Variants in MEI1 observed in about 807,000 individuals in gnomAD.
The protein encoded by MEI1 is meiotic double-stranded break formation protein 1.
In MEI1, 103 loss-of-function variants were observed where a neutral mutation model predicts 146.2. The observed-to-expected ratio is 0.70, with a 90% CI of 0.60 to 0.83. MEI1 has a LOEUF of 0.83. Ranked by LOEUF, MEI1 falls within the 40% of genes least tolerant of loss-of-function variation. MEI1 has a pLI of 0.00. For synonymous variants in MEI1, 652 were observed against 628.2 expected, an observed-to-expected ratio of 1.04 and a Z score of -0.57; for missense variants, 1,529 against 1,533.0, an observed-to-expected ratio of 1.00 and a Z score of 0.04.
At chr22:41,738,932 A>T (rs2072625239) in intron 11 of MEI1, among the ~76,000 whole-genome samples, 1 of 151,852 alleles carries the variant, frequency 6.6e-6, no homozygotes. Flanking sequence ...ACACCGCTGC[A>T]CTCCAGCCTG....
chr22:41,722,231 A>G (rs1324918867), intron 6 of MEI1: 1 of 151,572 alleles, frequency 6.6e-6, no homozygotes, highest in Non-Finnish European at 1.5e-5. Context: ...CAAGGGTCTT[A>G]TATTCTGTCT....
chr22:41,716,194 A>G (rs774283187), intron 5 of MEI1, 48 bp downstream of exon 5: 9 of 1,304,476 alleles, frequency 6.9e-6, no homozygotes, highest in Admixed American at 2.0e-5. Flanking sequence ...ACCTGCTTTT[A>G]TCATACTGCC....
At chr22:41,719,143 C>T (rs2070501628) in intron 6 of MEI1, among the ~76,000 whole-genome samples, 1 of 151,976 alleles carries the variant, frequency 6.6e-6, no homozygotes, top group Non-Finnish European at 1.5e-5. Context: ...CCACCATGCC[C>T]AGCTAATTTT....
intron 26 of MEI1, among the ~76,000 whole-genome samples, chr22:41,785,865 ATTTTTATTTTTTTATTTTTTTATT>A (rs200537863): frequency 2.1e-5 from 3 of 142,920 alleles, no homozygotes; most frequent in East Asian, 2.2e-4. Flanking sequence ...CACCCGGCCT[ATTTTTATTTTTTTATTTTTTTATT>A]TTTTTATTTT....
At chr22:41,793,799 T>C (rs374685279) in intron 26 of MEI1, 30 bp from the exon 27 acceptor site, 209 of 1,558,252 alleles carry the variant, frequency 1.3e-4, no homozygotes, top group Middle Eastern at 5.4e-4. Context: ...TAGCAAAACC[T>C]GACCTGATTT....
chr22:41,760,853 G>A (rs546978090), intron 18 of MEI1, among the ~76,000 whole-genome samples: 2 of 152,152 alleles, frequency 1.3e-5, no homozygotes, highest in African/African-American at 2.4e-5. Context: ...GTGTAACATC[G>A]GGTTCTAAGT....
chr22:41,781,538 C>A, intron 23 of MEI1, 144 bp downstream of exon 23: 1 of 1,158,996 alleles, frequency 8.6e-7, no homozygotes, highest in Non-Finnish European at 1.2e-6. Context: ...ATAACCTGAG[C>A]TTCTGTTATG....
In MEI1 at chr22:41,785,903, A is replaced by AT. The variant is rs1364516292; in HGVS notation, c.3345+1126dup. On this transcript the variant is annotated intron_variant, in intron 26 of 30. Coordinates refer to ENST00000401548, the MANE Select transcript of MEI1 (RefSeq NM_152513.4). ...TATTTTTTTATTTTTTTATTTTTTT[A>AT]TTTTTTATTTTATTTTTTTTTTTTT... 3.0e-5 allele frequency among the ~76,000 whole-genome samples: 3 copies of AT among 101,480 alleles called. No homozygotes were observed. In the Admixed American group the frequency reaches 4.3e-4, roughly 15 times the overall value. The allele number at this position is 101,480 out of a possible 152,430, so 66.6% of individuals were successfully genotyped here.
chr22:41,771,316 T>G (rs373185100), intron 20 of MEI1, among the ~76,000 whole-genome samples: 1 of 152,232 alleles, frequency 6.6e-6, no homozygotes, highest in African/African-American at 2.4e-5. Context: ...AGGAAGCCCA[T>G]GGGGCATGTA....
At chr22:41,745,209 G>A (rs900228811) in intron 13 of MEI1, 145 bp downstream of exon 13, 3 of 553,128 alleles carry the variant, frequency 5.4e-6, no homozygotes, top group Non-Finnish European at 9.1e-6. Flanking sequence ...GTAGGGGTTG[G>A]GGGTGTGTGG....
chr22:41,720,055 GCT>G (rs2070619395), intron 6 of MEI1, among the ~76,000 whole-genome samples: 1 of 152,172 alleles, frequency 6.6e-6, no homozygotes, highest in African/African-American at 2.4e-5. Context: ...TCTTAGGGGA[GCT>G]CACAGGCCAG....
intron 4 of MEI1, 131 bp from the exon 5 acceptor site, chr22:41,715,910 A>C (rs1420748447): frequency 3.0e-6 from 2 of 662,064 alleles, no homozygotes; most frequent in East Asian, 5.8e-5. Flanking sequence ...ACTAAGCTAA[A>C]AAAGCTGATT....
chr22:41,776,340 G>T, intron 21 of MEI1, 73 bp downstream of exon 21: 1 of 1,515,732 alleles, frequency 6.6e-7, no homozygotes, highest in South Asian at 1.1e-5. Context: ...ACCCTTGTTA[G>T]GTCTGCTCCA....
intron 19 of MEI1, among the ~76,000 whole-genome samples, chr22:41,769,978 T>C (rs2075082689): frequency 1.3e-5 from 2 of 151,052 alleles, no homozygotes; most frequent in South Asian, 4.2e-4. Flanking sequence ...CTACTAAAAA[T>C]ACAAAATTAG....
chr22:41,754,552 G>C (rs767165682), intron 17 of MEI1, among the ~76,000 whole-genome samples: 3 of 152,078 alleles, frequency 2.0e-5, no homozygotes, highest in South Asian at 4.1e-4. Context: ...TCCTGCCTCA[G>C]CCTCCCAAGT....
At chr22:41,745,817 C>T in intron 13 of MEI1, 68 bp from the exon 14 acceptor site, 1 of 1,473,484 alleles carries the variant, frequency 6.8e-7, no homozygotes, top group East Asian at 2.4e-5. Context: ...CGCCACCCCC[C>T]AGGAAGCTGT....
At chr22:41,744,829 A>T in intron 12 of MEI1, 144 bp from the exon 13 acceptor site, 1 of 370,596 alleles carries the variant, frequency 2.7e-6, no homozygotes, top group East Asian at 4.3e-5. Context: ...ATTTGCAAGG[A>T]TATAGCCAAG....
At chr22:41,785,895 A>AT (rs139546) in intron 26 of MEI1, among the ~76,000 whole-genome samples, 14,689 of 123,644 alleles carry the variant, frequency 0.12, 2,026 homozygotes, top group Admixed American at 0.29. Context: ...TTATTTTTTT[A>AT]TTTTTTTATT....
chr22:41,744,319 C>T (rs1408452779), intron 12 of MEI1, among the ~76,000 whole-genome samples: 2 of 152,022 alleles, frequency 1.3e-5, no homozygotes, highest in African/African-American at 2.4e-5. Context: ...TACAGGTGCC[C>T]GCCACCATGC....
Sources: allele counts gnomAD v4.1 joint callset (sites outside exome capture counted in the v4.1 genomes callset), GRCh38; gene constraint gnomAD v4.1.1; transcripts MANE v1.5; gene names NCBI Gene and HGNC (gene_info 2026-07-23, HGNC 2026-07-21).